Variants in SH3GL3 observed in about 807,000 individuals in gnomAD.
SH3GL3 encodes the protein SH3 domain containing GRB2 like 3, endophilin A3.
Under a neutral mutation model 47.7 loss-of-function variants are expected in SH3GL3, and 33 were observed. The ratio of observed to expected loss-of-function variants is 0.69; its 90% confidence interval spans 0.52 to 0.92. The LOEUF is 0.92. SH3GL3 is among the 40% of genes least tolerant of loss of function. The pLI is 0.00. For missense variants in SH3GL3, 363 were observed against 417.8 expected (o/e 0.87, Z 1.14); for synonymous variants, 155 against 148.8 (o/e 1.04, Z -0.30).
chr15:83,588,843 G>A, intron 8 of SH3GL3, 72 bp downstream of exon 8: 1 of 814,624 alleles, frequency 1.2e-6, no homozygotes, highest in Non-Finnish European at 2.2e-6. Context: ...TTTACTGCTT[G>A]TTTCTGGGTC....
intron 1 of SH3GL3, among the ~76,000 whole-genome samples, chr15:83,508,543 G>A (rs1016138565): frequency 2.6e-5 from 4 of 152,034 alleles, no homozygotes; most frequent in African/African-American, 9.7e-5. Context: ...AGGAGCCATT[G>A]CAGAGTTCTG....
At chr15:83,450,063 A>G (rs1240745647) in intron 1 of SH3GL3, among the ~76,000 whole-genome samples, 2 of 152,226 alleles carry the variant, frequency 1.3e-5, no homozygotes, top group Non-Finnish European at 2.9e-5. Context: ...CCAGGGATCT[A>G]GGTCTGGCTC....
At chr15:83,542,979 T>G (rs2151705197) in intron 1 of SH3GL3, among the ~76,000 whole-genome samples, 1 of 151,978 alleles carries the variant, frequency 6.6e-6, no homozygotes, top group South Asian at 2.1e-4. Context: ...ATTAGCTACT[T>G]TTTTTTCTTT....
chr15:83,547,865 T>A (rs2044481614), intron 1 of SH3GL3, among the ~76,000 whole-genome samples: 1 of 151,978 alleles, frequency 6.6e-6, no homozygotes, highest in African/African-American at 2.4e-5. Flanking sequence ...TATTGATATT[T>A]TTACATTTAA....
chr15:83,527,703 A>G (rs2043485761), intron 1 of SH3GL3, among the ~76,000 whole-genome samples: 1 of 152,072 alleles, frequency 6.6e-6, no homozygotes, highest in Admixed American at 6.6e-5. Flanking sequence ...TACTCTGTTT[A>G]CTTTCAAGGT....
At chr15:83,531,210 G>GT (rs1370629359) in intron 1 of SH3GL3, among the ~76,000 whole-genome samples, 1 of 152,184 alleles carries the variant, frequency 6.6e-6, no homozygotes, top group East Asian at 1.9e-4. Flanking sequence ...GAGTAAGACC[G>GT]TAATGAATAT....
At chr15:83,522,897 T>C (rs569218522) in intron 1 of SH3GL3, among the ~76,000 whole-genome samples, 1 of 152,356 alleles carries the variant, frequency 6.6e-6, no homozygotes, top group African/African-American at 2.4e-5. Context: ...ATCATAGACA[T>C]GGTCAGCATT....
intron 2 of SH3GL3, among the ~76,000 whole-genome samples, chr15:83,562,443 A>G (rs2045335460): frequency 1.3e-5 from 2 of 152,238 alleles, no homozygotes; most frequent in East Asian, 1.9e-4. Flanking sequence ...TTCATGTCCA[A>G]AAAGGGTTGT....
At chr15:83,582,514 C>G (rs1292441151) in intron 6 of SH3GL3, among the ~76,000 whole-genome samples, 1 of 152,154 alleles carries the variant, frequency 6.6e-6, no homozygotes, top group African/African-American at 2.4e-5. Context: ...TAAACAGTTT[C>G]TTTATCACAA....
chr15:83,504,509 C>T (rs974812191), intron 1 of SH3GL3, among the ~76,000 whole-genome samples: 1 of 152,220 alleles, frequency 6.6e-6, no homozygotes, highest in African/African-American at 2.4e-5. Context: ...TGGGCTTGCT[C>T]ACTCTCTCAT....
intron 8 of SH3GL3, among the ~76,000 whole-genome samples, chr15:83,616,805 G>A (rs907169861): frequency 6.6e-6 from 1 of 151,940 alleles, no homozygotes; most frequent in African/African-American, 2.4e-5. Context: ...GAGGGAGAAG[G>A]AAGAAAAGAA....
intron 1 of SH3GL3, among the ~76,000 whole-genome samples, chr15:83,497,408 A>C (rs548011268): frequency 6.6e-6 from 1 of 152,014 alleles, no homozygotes; most frequent in Admixed American, 6.6e-5. Flanking sequence ...CCTTCTCGCT[A>C]TCTCTTTTAC....
chr15:83,614,647 G>A (rs922045915), intron 8 of SH3GL3, among the ~76,000 whole-genome samples: 2 of 152,200 alleles, frequency 1.3e-5, no homozygotes, highest in African/African-American at 4.8e-5. Context: ...GGGCTGTTTA[G>A]TGTGCCACCA....
intron 8 of SH3GL3, among the ~76,000 whole-genome samples, chr15:83,610,402 T>C (rs2060628918): frequency 6.6e-6 from 1 of 152,142 alleles, no homozygotes; most frequent in Non-Finnish European, 1.5e-5. Context: ...CCGGGCATGA[T>C]GGTGCCTGTA....
At chr15:83,510,381 T>C (rs746850101) in intron 1 of SH3GL3, among the ~76,000 whole-genome samples, 14 of 152,222 alleles carry the variant, frequency 9.2e-5, no homozygotes, top group Non-Finnish European at 2.1e-4. Flanking sequence ...ATTACATATT[T>C]CGGGGGAAAA....
At chr15:83,507,000 G>A (rs532464323) in intron 1 of SH3GL3, among the ~76,000 whole-genome samples, 3 of 151,294 alleles carry the variant, frequency 2.0e-5, no homozygotes, top group Non-Finnish European at 4.4e-5. Context: ...TTGAAACCCT[G>A]TTTTTGTGTA....
intron 1 of SH3GL3, among the ~76,000 whole-genome samples, chr15:83,457,250 C>T (rs972330426): frequency 1.3e-5 from 2 of 152,166 alleles, no homozygotes; most frequent in African/African-American, 4.8e-5. Flanking sequence ...ATCTCTTCTC[C>T]TCCTCTCCTT....
intron 1 of SH3GL3, among the ~76,000 whole-genome samples, chr15:83,474,677 C>A (rs2041012530): frequency 1.3e-5 from 2 of 152,126 alleles, no homozygotes; most frequent in Non-Finnish European, 2.9e-5. Context: ...AGAGATAACT[C>A]CTGGCTTTTT....
chr15:83,462,731 A>G (rs2040362922), intron 1 of SH3GL3, among the ~76,000 whole-genome samples: 1 of 152,216 alleles, frequency 6.6e-6, no homozygotes, highest in South Asian at 2.1e-4. Context: ...ATGTTTGTCT[A>G]GTGTCTTAAA....
Sources: allele counts gnomAD v4.1 joint callset (sites outside exome capture counted in the v4.1 genomes callset), GRCh38; gene constraint gnomAD v4.1.1; transcripts MANE v1.5; gene names NCBI Gene and HGNC (gene_info 2026-07-23, HGNC 2026-07-21).